Variants in ADGRL3 observed in about 807,000 individuals in gnomAD.
The protein encoded by ADGRL3 is adhesion G protein-coupled receptor L3.
ADGRL3 carries 62 observed loss-of-function variants against 153.5 expected under a neutral mutation model. The observed-to-expected ratio is 0.40, with a 90% CI of 0.33 to 0.50. The LOEUF (loss-of-function observed/expected upper bound fraction) is 0.50. Ranked by LOEUF, ADGRL3 falls within the 20% of genes least tolerant of loss-of-function variation. ADGRL3 has a pLI of 0.47. For missense variants in ADGRL3, 1,641 were observed against 1,859.4 expected (o/e 0.88, Z 2.16); for synonymous variants, 710 against 672.5 (o/e 1.06, Z -0.86).
At chr4:61,677,960 G>A (rs887236544) in intron 6 of ADGRL3, among the ~76,000 whole-genome samples, 8 of 151,912 alleles carry the variant, frequency 5.3e-5, no homozygotes, top group South Asian at 4.1e-4. Context: ...AGAAAATTTC[G>A]TTCAGCTTCA....
intron 2 of ADGRL3, among the ~76,000 whole-genome samples, chr4:61,481,848 A>T (rs900655759): frequency 6.6e-6 from 1 of 152,170 alleles, no homozygotes; most frequent in African/African-American, 2.4e-5. Flanking sequence ...TTAGAAAAAA[A>T]TATAAAAGGT....
At chr4:61,441,892 G>A (rs2097532539) in intron 2 of ADGRL3, among the ~76,000 whole-genome samples, 1 of 152,090 alleles carries the variant, frequency 6.6e-6, no homozygotes, top group Admixed American at 6.6e-5. Context: ...ATGCTACCCA[G>A]TGAAAATTAT....
intron 1 of ADGRL3, among the ~76,000 whole-genome samples, chr4:61,334,384 G>A (rs537998476): frequency 1.3e-5 from 2 of 152,256 alleles, no homozygotes; most frequent in African/African-American, 2.4e-5. Context: ...AAACTCTGAC[G>A]ATTCAGTGCG....
chr4:61,398,655 C>T (rs2096895480), intron 2 of ADGRL3, among the ~76,000 whole-genome samples: 1 of 151,422 alleles, frequency 6.6e-6, no homozygotes, highest in African/African-American at 2.4e-5. Context: ...TTTTTATCCT[C>T]CCACTTCACT....
chr4:61,723,635 C>G (rs1359694068), intron 6 of ADGRL3, among the ~76,000 whole-genome samples: 1 of 152,048 alleles, frequency 6.6e-6, no homozygotes, highest in East Asian at 1.9e-4. Context: ...TGCAGGTCGC[C>G]ATGATGTCTT....
chr4:61,614,894 A>C (rs1020087889), intron 5 of ADGRL3, among the ~76,000 whole-genome samples: 6 of 152,046 alleles, frequency 3.9e-5, no homozygotes, highest in East Asian at 3.9e-4. Context: ...GAGACTTTGG[A>C]TTTTTTGCTC....
chr4:61,885,836 T>C (rs2098535496), intron 9 of ADGRL3, among the ~76,000 whole-genome samples: 1 of 152,154 alleles, frequency 6.6e-6, no homozygotes, highest in South Asian at 2.1e-4. Context: ...ATGAGTATGC[T>C]TACCCAAAAC....
At chr4:61,727,011 T>A (rs927784559) in intron 6 of ADGRL3, among the ~76,000 whole-genome samples, 1 of 152,206 alleles carries the variant, frequency 6.6e-6, no homozygotes, top group Non-Finnish European at 1.5e-5. Context: ...TATTTTGTGA[T>A]GTAATTTTAA....
intron 6 of ADGRL3, among the ~76,000 whole-genome samples, chr4:61,684,812 C>T (rs1468546291): frequency 6.6e-6 from 1 of 151,966 alleles, no homozygotes; most frequent in African/African-American, 2.4e-5. Context: ...AAAGGTTCAC[C>T]TGAATAATTT....
intron 8 of ADGRL3, among the ~76,000 whole-genome samples, chr4:61,795,786 C>T (rs2152457259): frequency 6.6e-6 from 1 of 152,228 alleles, no homozygotes; most frequent in South Asian, 2.1e-4. Flanking sequence ...ATGCATCAAC[C>T]ATGTTGGCAA....
intron 1 of ADGRL3, among the ~76,000 whole-genome samples, chr4:61,302,869 T>C (rs1004654895): frequency 1.3e-5 from 2 of 152,168 alleles, no homozygotes; most frequent in African/African-American, 4.8e-5. Flanking sequence ...TTGTATTGTC[T>C]TTATAATCAG....
rs115151397 is a variant in ADGRL3, at chr4:61,515,368, A to C, written c.56-1947A>C. 2.7e-3 allele frequency among the ~76,000 whole-genome samples: 406 copies of C among 152,298 alleles called. 3 individuals are homozygous for C. The highest frequency in any genetic ancestry group is 8.4e-3 in the African/African-American group (350 of 41,560). ...GTCTCCATATCCAAATATTTCACAA[A>C]AACCCAAATGAAGTAACCTTTACAT... is the stretch of plus-strand genomic sequence containing the variant. On this transcript the variant is annotated intron_variant, in intron 3 of 26. Transcript: ENST00000683033.
intron 9 of ADGRL3, among the ~76,000 whole-genome samples, chr4:61,817,696 C>T (rs138656013): frequency 1.3e-5 from 2 of 152,164 alleles, no homozygotes; most frequent in African/African-American, 2.4e-5. Context: ...TTAATGGACT[C>T]ACACTTCCAC....
intron 21 of ADGRL3, among the ~76,000 whole-genome samples, chr4:62,020,560 C>T (rs537826365): frequency 1.3e-3 from 195 of 152,166 alleles, no homozygotes; most frequent in African/African-American, 4.5e-3. Flanking sequence ...TAAGTTTTCA[C>T]TGATTACAAA....
chr4:61,963,493 T>C (rs1466992812), intron 17 of ADGRL3, among the ~76,000 whole-genome samples: 1 of 151,832 alleles, frequency 6.6e-6, no homozygotes, highest in Admixed American at 6.6e-5. Context: ...TATCTCCCAC[T>C]TTAAGAGAGA....
At chr4:61,936,696 TG>T (rs1470653385) in intron 15 of ADGRL3, among the ~76,000 whole-genome samples, 1 of 151,892 alleles carries the variant, frequency 6.6e-6, no homozygotes, top group African/African-American at 2.4e-5. Flanking sequence ...TAGATGTGTG[TG>T]TATATATATA....
chr4:61,668,953 A>G (rs1441710536), intron 5 of ADGRL3, among the ~76,000 whole-genome samples: 1 of 152,168 alleles, frequency 6.6e-6, no homozygotes, highest in Admixed American at 6.5e-5. Context: ...GCAGAGATCG[A>G]AGATGCAGTG....
chr4:62,074,339 G>A lies in ADGRL3; in HGVS notation c.*3431G>A, dbSNP rs1047374906. On this transcript the variant is annotated 3_prime_UTR_variant, in exon 27 of 27. Coordinates refer to ENST00000683033, the MANE Select transcript of ADGRL3 (RefSeq NM_001387552.1). Reference sequence around the variant, plus strand: ...TATTTTTGTCACATTTTTAGACTTGGTTGTTTTTCCTCTTTGAAATCTAGT... The same window carrying A: ...TATTTTTGTCACATTTTTAGACTTGATTGTTTTTCCTCTTTGAAATCTAGT... The A allele has an allele frequency of 1.1e-4, 16 of 151,976 alleles. 1 individual carries two copies. The highest frequency in any genetic ancestry group is 1.0e-3 in the Admixed American group (16 of 15,248). 9.4% of individuals were successfully genotyped at this position (151,976 alleles called of 1,614,324 possible).
intron 1 of ADGRL3, among the ~76,000 whole-genome samples, chr4:61,330,017 T>C (rs917817455): frequency 6.6e-6 from 1 of 152,182 alleles, no homozygotes; most frequent in South Asian, 2.1e-4. Flanking sequence ...ATCTGCCTGG[T>C]TGTCTTTTTA....
Sources: allele counts gnomAD v4.1 joint callset (sites outside exome capture counted in the v4.1 genomes callset), GRCh38; gene constraint gnomAD v4.1.1; transcripts MANE v1.5; gene names NCBI Gene and HGNC (gene_info 2026-07-23, HGNC 2026-07-21).